Variants in USP37 observed in about 807,000 individuals in gnomAD.
USP37 encodes the protein ubiquitin carboxyl-terminal hydrolase 37.
Under a neutral mutation model 124.0 loss-of-function variants are expected in USP37, and 27 were observed. The observed-to-expected ratio is 0.22, with a 90% CI of 0.16 to 0.30. The LOEUF is 0.30. USP37 is among the 10% of genes least tolerant of loss of function. The probability of loss-of-function intolerance (pLI) is 1.00; values close to 1 mark genes in which losing one functional copy is unlikely to be tolerated. For missense variants in USP37, 889 were observed against 1,140.4 expected, an observed-to-expected ratio of 0.78 and a Z score of 3.17; for synonymous variants, 365 against 388.0, an observed-to-expected ratio of 0.94 and a Z score of 0.70.
At position 218,454,663 on chromosome 2, in the gene USP37, T is replaced by C. The variant is rs969667463; in HGVS notation, c.*267A>G. 8.6e-6 allele frequency: 4 copies of C among 463,006 alleles called. No homozygotes were observed. In the Admixed American group the frequency reaches 1.2e-4, roughly 13 times the overall value. 28.7% of individuals were successfully genotyped at this position (463,006 alleles called of 1,614,324 possible). A position where few individuals can be genotyped will look rare whatever the true frequency, so the allele number is the denominator to read the frequency against. ...GTGTGTATACACACATACACAGATA[T>C]ATATTTACAACATGTATTCCTAAGA... On this transcript the variant is annotated 3_prime_UTR_variant, in exon 26 of 26. Transcript: ENST00000258399.
At chr2:218,511,303 G>T (rs1324454701) in intron 10 of USP37, among the ~76,000 whole-genome samples, 28 of 151,876 alleles carry the variant, frequency 1.8e-4, no homozygotes, top group Non-Finnish European at 5.9e-5. Flanking sequence ...GTAACACCAT[G>T]CCCAGCTAAT....
At chr2:218,469,527 G>A (rs557927303) in intron 20 of USP37, among the ~76,000 whole-genome samples, 13 of 152,082 alleles carry the variant, frequency 8.5e-5, no homozygotes, top group Non-Finnish European at 1.3e-4. Context: ...ACTCAAAAAC[G>A]TGACAGAATA....
Position 218,561,739 on chromosome 2 carries a change from T to TTA in USP37, c.-88-858_-88-857dup, listed in dbSNP as rs1348893629. ...GATCAAATCATATCCCTCTCTTGCT[T>TTA]TATATCATTCAATAGCTCTCCACTT... On this transcript the variant is annotated intron_variant, in intron 2 of 25. Coordinates refer to ENST00000258399, the MANE Select transcript of USP37 (RefSeq NM_020935.3). Among the ~76,000 whole-genome samples, 4 of 152,258 alleles carry TTA rather than the reference T, an allele frequency of 2.6e-5. No homozygotes were observed. The East Asian group carries it at 7.7e-4, about 29-fold the overall frequency.
rs1197037756 is a variant in USP37, at chr2:218,453,406, T to G, written c.*1524A>C. 1.3e-5 allele frequency: 2 copies of G among 152,096 alleles called. No individual in the cohort carries two copies. The highest frequency in any genetic ancestry group is 2.9e-5 in the Non-Finnish European group (2 of 68,020). 9.4% of individuals were successfully genotyped at this position (152,096 alleles called of 1,614,324 possible). Reference sequence around the variant, plus strand: ...TGGTGGGTTTTTAAATGTTTTTTCCTTCTGAAAACCTGATGTGGTTTTGTC... The same window carrying G: ...TGGTGGGTTTTTAAATGTTTTTTCCGTCTGAAAACCTGATGTGGTTTTGTC... On this transcript the variant is annotated 3_prime_UTR_variant, in exon 26 of 26. Transcript: ENST00000258399.
rs114523486 is a variant in USP37, at chr2:218,549,890, C to A, written c.348G>T (p.Gly116=). ...CCAGAATGGCTCCAAAACTACCAGA[C>A]CCCTGAGACGGTTTCATGGCTGGTG... The part of the protein sequence containing the change: ...RLPAAMKPSQ[G]SGSFGAILGS... Residue 116 remains glycine, a synonymous_variant, in exon 6 of 26, where the codon GGG becomes GGT. Transcript: ENST00000258399. 3 of 1,608,068 alleles carry A rather than the reference C, an allele frequency of 1.9e-6. No individual in the cohort carries two copies. Among genetic ancestry groups the A allele is most frequent in the Admixed American group, 3.4e-5 (2 of 58,908 alleles).
chr2:218,504,180 C>T (rs1689548108), intron 11 of USP37, among the ~76,000 whole-genome samples: 1 of 152,140 alleles, frequency 6.6e-6, no homozygotes, highest in African/African-American at 2.4e-5. Context: ...AGGTTTCTGG[C>T]CTAATATACA....
chr2:218,531,668 G>T (rs1411520693), intron 9 of USP37, among the ~76,000 whole-genome samples: 1 of 152,220 alleles, frequency 6.6e-6, no homozygotes, highest in Non-Finnish European at 1.5e-5. Context: ...CTTCTGGAAA[G>T]AATTTATCAT....
intron 9 of USP37, among the ~76,000 whole-genome samples, chr2:218,532,597 T>G (rs1691396609): frequency 1.3e-5 from 2 of 151,980 alleles, no homozygotes; most frequent in Admixed American, 1.3e-4. Context: ...CTCTGAAGGT[T>G]CAGATGATTG....
intron 6 of USP37, among the ~76,000 whole-genome samples, chr2:218,548,337 T>C (rs981440900): frequency 2.6e-5 from 4 of 152,216 alleles, no homozygotes; most frequent in Non-Finnish European, 5.9e-5. Flanking sequence ...GTAACAAATA[T>C]ATATATTACA....
At chr2:218,470,492 A>C (rs1162953947) in intron 20 of USP37, among the ~76,000 whole-genome samples, 1 of 152,224 alleles carries the variant, frequency 6.6e-6, no homozygotes, top group Non-Finnish European at 1.5e-5. Flanking sequence ...TCCTTATCAA[A>C]TAATTGTTTG....
intron 9 of USP37, among the ~76,000 whole-genome samples, chr2:218,532,017 C>T (rs1159960943): frequency 6.6e-6 from 1 of 152,178 alleles, no homozygotes. Context: ...TAGAATATTA[C>T]ATAAATTTAG....
intron 11 of USP37, among the ~76,000 whole-genome samples, chr2:218,508,586 G>A (rs979866184): frequency 1.3e-5 from 2 of 152,156 alleles, no homozygotes; most frequent in African/African-American, 4.8e-5. Flanking sequence ...AGACCCAGAT[G>A]AAGAATGGTC....
intron 10 of USP37, chr2:218,528,493 A>G (rs1295475928): frequency 3.9e-6 from 1 of 258,594 alleles, no homozygotes; most frequent in East Asian, 7.0e-5. Flanking sequence ...CTCATTGTTC[A>G]ACATCCACTT....
At chr2:218,515,446 A>G (rs1690224731) in intron 10 of USP37, among the ~76,000 whole-genome samples, 1 of 152,214 alleles carries the variant, frequency 6.6e-6, no homozygotes, top group African/African-American at 2.4e-5. Flanking sequence ...AGCAATGGGG[A>G]AAGGATTCCC....
intron 10 of USP37, among the ~76,000 whole-genome samples, chr2:218,525,923 A>C (rs1690931813): frequency 6.6e-6 from 1 of 152,146 alleles, no homozygotes; most frequent in Non-Finnish European, 1.5e-5. Context: ...CCCACCTATA[A>C]GTGAGAACAT....
intron 1 of USP37, among the ~76,000 whole-genome samples, chr2:218,563,056 G>C (rs902736110): frequency 6.6e-6 from 1 of 151,696 alleles, no homozygotes; most frequent in Admixed American, 6.6e-5. Context: ...CCAGCTACTC[G>C]GGAGGCTGAG....
At position 218,453,369 on chromosome 2, in the gene USP37, T is replaced by C. The variant is rs1559154915; in HGVS notation, c.*1561A>G. ...CCTCTGCCTCCTGGGTTCAAGTGAT[T>C]CTCTCATGTGATGGTGGGTTTTTAA... On this transcript the variant is annotated 3_prime_UTR_variant, in exon 26 of 26. Transcript: ENST00000258399. The C allele has an allele frequency of 6.6e-6, 1 of 152,236 alleles. No homozygotes were observed. Among genetic ancestry groups the C allele is most frequent in the South Asian group, 2.1e-4 (1 of 4,814 alleles). 9.4% of individuals were successfully genotyped at this position (152,236 alleles called of 1,614,324 possible).
rs763870747 is a variant in USP37, at chr2:218,544,424, T to TAGAGAGAGAGAG, written c.680+1796_680+1797insCTCTCTCTCTCT. Among the ~76,000 whole-genome samples the TAGAGAGAGAGAG allele has an allele frequency of 3.7e-4, 21 of 57,192 alleles. No individual in the cohort carries two copies. In the East Asian group the frequency reaches 4.9e-3, roughly 13 times the overall value. 37.5% of individuals were successfully genotyped at this position (57,192 alleles called of 152,430 possible). A position where few individuals can be genotyped will look rare whatever the true frequency, so the allele number is the denominator to read the frequency against. ...AAAAAAAAATATATATATATATATA[T>TAGAGAGAGAGAG]ATATATAGAGAGAGAGAGAGAGAGA... On this transcript the variant is annotated intron_variant, in intron 8 of 25. Transcript: ENST00000258399.
chr2:218,495,331 G>T (rs1689025185), intron 14 of USP37, among the ~76,000 whole-genome samples: 1 of 152,062 alleles, frequency 6.6e-6, no homozygotes, highest in Non-Finnish European at 1.5e-5. Flanking sequence ...TTGTAGAGAT[G>T]GGGTTTCCCC....
Sources: allele counts gnomAD v4.1 joint callset (sites outside exome capture counted in the v4.1 genomes callset), GRCh38; gene constraint gnomAD v4.1.1; transcripts MANE v1.5; gene names NCBI Gene and HGNC (gene_info 2026-07-23, HGNC 2026-07-21).